USP15: variants seen among roughly 807,000 people sequenced by gnomAD.
USP15 encodes the protein ubiquitin carboxyl-terminal hydrolase 15.
Under a neutral mutation model 127.1 loss-of-function variants are expected in USP15, and 18 were observed. The observed-to-expected ratio is 0.14, with a 90% CI of 0.10 to 0.21. The LOEUF (loss-of-function observed/expected upper bound fraction) is 0.21, where lower values mean the gene tolerates loss of function less well. Ranked by LOEUF, USP15 falls within the 10% of genes least tolerant of loss-of-function variation. USP15 has a pLI of 1.00. For synonymous variants in USP15, 364 were observed against 393.7 expected (o/e 0.92, Z 0.89); for missense variants, 805 against 1,159.9 (o/e 0.69, Z 4.44).
At chr12:62,389,725 A>G (rs772962860) in intron 13 of USP15, 26 bp downstream of exon 13, 80 of 1,599,848 alleles carry the variant, frequency 5.0e-5, no homozygotes, top group Non-Finnish European at 6.6e-5. Flanking sequence ...ATTGTGCAAA[A>G]TATTACTTGA....
At chr12:62,379,838 T>C (rs2066935687) in intron 8 of USP15, among the ~76,000 whole-genome samples, 1 of 152,082 alleles carries the variant, frequency 6.6e-6, no homozygotes, top group Admixed American at 6.6e-5. Context: ...CATTCTAAAT[T>C]GCCTGGATCT....
At chr12:62,348,315 G>C (rs1012177817) in intron 6 of USP15, among the ~76,000 whole-genome samples, 1 of 152,088 alleles carries the variant, frequency 6.6e-6, no homozygotes, top group Non-Finnish European at 1.5e-5. Context: ...TATATATTTA[G>C]ATAAATCCAA....
At chr12:62,333,638 C>T (rs1222419208) in intron 6 of USP15, among the ~76,000 whole-genome samples, 5 of 151,926 alleles carry the variant, frequency 3.3e-5, no homozygotes, top group Non-Finnish European at 7.4e-5. Context: ...TCCTTTTATG[C>T]CTTTTTTTAT....
At chr12:62,364,544 TA>T (rs1291342875) in intron 8 of USP15, among the ~76,000 whole-genome samples, 2 of 152,076 alleles carry the variant, frequency 1.3e-5, no homozygotes, top group South Asian at 2.1e-4. Flanking sequence ...TGAATGGAAT[TA>T]TTTTTTTAAT....
chr12:62,269,329 T>G lies in USP15; in HGVS notation c.89+8826T>G, dbSNP rs141515923. Among the ~76,000 whole-genome samples the G allele has an allele frequency of 1.9e-3, 291 of 152,068 alleles. 2 individuals are homozygous for G. Among genetic ancestry groups the G allele is most frequent in the African/African-American group, 6.7e-3 (279 of 41,406 alleles). On this transcript the variant is annotated intron_variant, in intron 1 of 21. Transcript: ENST00000280377. ...ATTCTAATACAATGGTAAGTATATA[T>G]ATATGTGTGTGTGTATAAATATATA...
At chr12:62,351,641 C>G (rs2065970214) in intron 7 of USP15, among the ~76,000 whole-genome samples, 1 of 151,936 alleles carries the variant, frequency 6.6e-6, no homozygotes, top group Non-Finnish European at 1.5e-5. Context: ...ACTGCAGAAA[C>G]TATTGAGAGA....
At position 62,321,618 on chromosome 12, in the gene USP15, T is replaced by C; in HGVS notation, c.621+9T>C. ...GTTTATACCAAGGACAGGTATTGTT[T>C]ATTTTAAGCATACTGTATTATACAT... On this transcript the variant is annotated intron_variant, in intron 5 of 21. Coordinates refer to ENST00000280377, the MANE Select transcript of USP15 (RefSeq NM_001252078.2). The C allele has an allele frequency of 6.5e-7, 1 of 1,541,540 alleles. No homozygotes were observed. Among genetic ancestry groups the C allele is most frequent in the South Asian group, 1.2e-5 (1 of 80,110 alleles).
chr12:62,377,846 C>T (rs575862545), intron 8 of USP15, among the ~76,000 whole-genome samples: 89 of 151,832 alleles, frequency 5.9e-4, no homozygotes, highest in Non-Finnish European at 1.1e-3. Context: ...CCATTTATGC[C>T]TTGAAATTTA....
chr12:62,409,519 G>A lies in USP15; in HGVS notation c.*5144G>A, dbSNP rs1185716265. 6.6e-6 allele frequency: 1 copy of A among 152,100 alleles called. No individual in the cohort carries two copies. Among genetic ancestry groups the A allele is most frequent in the Non-Finnish European group, 1.5e-5 (1 of 67,984 alleles). The allele number at this position is 152,100 out of a possible 1,614,324, so 9.4% of individuals were successfully genotyped here. ...TTAAGTTGTATTGGTAATTTACTAT[G>A]TTCTCCTGTAGAAAATCATAATTAA... On this transcript the variant is annotated 3_prime_UTR_variant, in exon 22 of 22. Coordinates refer to ENST00000280377, the MANE Select transcript of USP15 (RefSeq NM_001252078.2).
At chr12:62,357,677 TTGGAGAAGAGAAAAA>T (rs1330746096) in intron 8 of USP15, among the ~76,000 whole-genome samples, 1 of 152,142 alleles carries the variant, frequency 6.6e-6, no homozygotes, top group Non-Finnish European at 1.5e-5. Flanking sequence ...TTCAAACAAT[TTGGAGAAGAGAAAAA>T]TGAGTTTTTA....
At position 62,404,322 on chromosome 12, in the gene USP15, A is replaced by G. The variant is rs375973500; in HGVS notation, c.2893A>G (p.Ser965Gly). The G allele has an allele frequency of 1.2e-6, 2 of 1,613,040 alleles. No individual in the cohort carries two copies. Among genetic ancestry groups the G allele is most frequent in the Non-Finnish European group, 1.7e-6 (2 of 1,179,226 alleles). ...CATCCCATTAGAAAGTGATGAAGAT[A>G]GCAATGATAATGACAATGATATAGA... ...TGIPLESDEDSNDNDNDIENE... is the reference protein window; with the variant it reads ...TGIPLESDEDGNDNDNDIENE... The change falls in exon 22 of 22, where the codon AGC (serine) becomes GGC (glycine). Residue 965 changes from serine (S) to glycine (G), a missense_variant. This residue lies in a region of USP15 where 116 missense variants were observed against 157.2 expected (regional missense o/e 0.74). Coordinates refer to ENST00000280377, the MANE Select transcript of USP15 (RefSeq NM_001252078.2).
chr12:62,277,979 G>A (rs1349898556), intron 1 of USP15, among the ~76,000 whole-genome samples: 1 of 151,990 alleles, frequency 6.6e-6, no homozygotes, highest in Admixed American at 6.6e-5. Context: ...AAATGTTTTT[G>A]ACTCGTTTGT....
At chr12:62,289,752 T>C (rs1273554310) in intron 1 of USP15, among the ~76,000 whole-genome samples, 1 of 147,818 alleles carries the variant, frequency 6.8e-6, no homozygotes, top group Non-Finnish European at 1.5e-5. Context: ...GACAGCAGTA[T>C]AAACTTTCCT....
At position 62,354,073 on chromosome 12, in the gene USP15, A is replaced by G. The variant is rs17097877; in HGVS notation, c.771-1258A>G. ...AAAAACATTAGTAGGCCAACATTGT[A>G]TGTGTAATTTTAGGTTGGTTTGGTT... On this transcript the variant is annotated intron_variant, in intron 7 of 21. Coordinates refer to ENST00000280377, the MANE Select transcript of USP15 (RefSeq NM_001252078.2). 4.2e-3 allele frequency among the ~76,000 whole-genome samples: 639 copies of G among 151,464 alleles called. 11 individuals carry two copies. In the East Asian group the frequency reaches 0.046, roughly 11 times the overall value.
chr12:62,393,120 G>A lies in USP15; in HGVS notation c.2488G>A (p.Val830Ile), dbSNP rs1168257317. ...ATTGGATTTATGGTCCCTGCCTCCA[G>A]TACTTGTAGTACATCTCAAGCGATT... is the stretch of plus-strand genomic sequence containing the variant. ...KKLDLWSLPPVLVVHLKRFSY... is the reference protein window; with the variant it reads ...KKLDLWSLPPILVVHLKRFSY... The change falls in exon 19 of 22, where the codon GTA becomes ATA. Residue 830 changes from valine (V) to isoleucine (I), a missense_variant. Coordinates refer to ENST00000280377, the MANE Select transcript of USP15 (RefSeq NM_001252078.2). 2 of 1,613,844 alleles carry A rather than the reference G, an allele frequency of 1.2e-6. No homozygotes were observed. Among genetic ancestry groups the A allele is most frequent in the South Asian group, 1.1e-5 (1 of 91,064 alleles).
chr12:62,388,427 C>G (rs556250321), intron 11 of USP15, among the ~76,000 whole-genome samples: 70 of 152,194 alleles, frequency 4.6e-4, no homozygotes, highest in African/African-American at 1.6e-3. Flanking sequence ...GCCACTGGGC[C>G]CAGCCCAATG....
intron 6 of USP15, chr12:62,336,197 C>A (rs1255319635): frequency 2.0e-6 from 2 of 985,294 alleles, no homozygotes; most frequent in Non-Finnish European, 2.4e-6. Flanking sequence ...ATCCTCTCCC[C>A]CAGCTCAAAC....
intron 8 of USP15, among the ~76,000 whole-genome samples, chr12:62,360,286 A>G (rs189059179): frequency 2.4e-4 from 36 of 152,258 alleles, no homozygotes; most frequent in Non-Finnish European, 3.8e-4. Flanking sequence ...TTCCTGTCAT[A>G]ATATATAAAA....
rs761080984 is a variant in USP15, at chr12:62,391,420, A to T, written c.2224A>T (p.Arg742Trp). The T allele has an allele frequency of 6.2e-7, 1 of 1,606,638 alleles. No individual in the cohort carries two copies. The highest frequency in any genetic ancestry group is 1.7e-5 in the Admixed American group (1 of 57,936). Residue 742 changes from arginine (R) to tryptophan (W), a missense_variant, in exon 16 of 22, where the codon AGG becomes TGG. Coordinates refer to ENST00000280377, the MANE Select transcript of USP15 (RefSeq NM_001252078.2). ...RHIRFDDRQL[R>W]LDERSFLALD... ...TATAAGATTTGATGATAGGCAGCTT[A>T]GGCTAGATGGTAAGTATTTGTGAAA...
Sources: gnomAD v4.1 joint callset for allele counts (sites outside exome capture counted in the v4.1 genomes callset) on GRCh38, gnomAD v4.1.1 for gene constraint, gnomAD v4.1.1 regional missense constraint, MANE v1.5 for transcripts, NCBI Gene and HGNC (gene_info 2026-07-23, HGNC 2026-07-21) for gene names.